The following FSHR variants were observed in gnomAD, a reference collection of about 807,000 sequenced individuals.
FSHR encodes follicle stimulating hormone receptor, also known as follicle-stimulating hormone receptor.
A neutral mutation model predicts 52.1 loss-of-function variants in FSHR; 46 were observed. That is an observed-to-expected ratio of 0.88 (90% CI 0.70 to 1.13). The LOEUF (loss-of-function observed/expected upper bound fraction) is 1.13, where lower values mean the gene tolerates loss of function less well. Among genes scored for constraint, FSHR ranks in the 50% most tolerant of loss-of-function variants. FSHR has a pLI of 0.00. For synonymous variants in FSHR, 399 were observed against 309.6 expected, an observed-to-expected ratio of 1.29 and a Z score of -3.03; for missense variants, 964 against 834.6, an observed-to-expected ratio of 1.16 and a Z score of -1.91.
chr2:49,110,949 T>C (rs1370860701), intron 1 of FSHR, among the ~76,000 whole-genome samples: 1 of 152,168 alleles, frequency 6.6e-6, no homozygotes, highest in Non-Finnish European at 1.5e-5. Context: ...CCTACCCTTA[T>C]TAACACACAG....
chr2:49,148,155 T>C (rs546059353), intron 1 of FSHR, among the ~76,000 whole-genome samples: 1 of 152,150 alleles, frequency 6.6e-6, no homozygotes, highest in East Asian at 1.9e-4. Context: ...ATATTTTTGT[T>C]AGGTATAGAG....
At chr2:49,079,229 A>G (rs948735657) in intron 1 of FSHR, among the ~76,000 whole-genome samples, 1 of 152,218 alleles carries the variant, frequency 6.6e-6, no homozygotes, top group African/African-American at 2.4e-5. Context: ...GAAAAAAAAT[A>G]AAAACCCTAA....
Position 49,141,736 on chromosome 2 carries a change from A to G in FSHR, c.152+12530T>C, listed in dbSNP as rs1158018060. Among the ~76,000 whole-genome samples the G allele has an allele frequency of 2.0e-5, 3 of 152,136 alleles. No homozygotes were observed. In the East Asian group the frequency reaches 5.8e-4, roughly 29 times the overall value. On this transcript the variant is annotated intron_variant, in intron 1 of 9. Coordinates refer to ENST00000406846, the MANE Select transcript of FSHR (RefSeq NM_000145.4). ...ATAATACATAAGTTCTGTATTAAAG[A>G]TGAGTCCAGCATTTTACATATGTAA... is the stretch of plus-strand genomic sequence containing the variant.
intron 1 of FSHR, among the ~76,000 whole-genome samples, chr2:49,089,652 G>T (rs1225397595): frequency 6.6e-6 from 1 of 152,272 alleles, no homozygotes; most frequent in African/African-American, 2.4e-5. Flanking sequence ...ATTTAACAAA[G>T]AAAGTATGTC....
chr2:48,982,221 T>G (rs983675007), intron 8 of FSHR, among the ~76,000 whole-genome samples: 5 of 152,066 alleles, frequency 3.3e-5, no homozygotes, highest in African/African-American at 1.2e-4. Flanking sequence ...TAGAGGACTT[T>G]GGAATGATGC....
At chr2:49,127,834 TC>T (rs1558456711) in intron 1 of FSHR, among the ~76,000 whole-genome samples, 848 of 10,906 alleles carry the variant, frequency 0.078, 88 homozygotes, top group South Asian at 0.19. Flanking sequence ...TTCTTCCTCT[TC>T]TTCTTCTTCT....
chr2:49,075,315 G>C (rs917129466), intron 1 of FSHR, among the ~76,000 whole-genome samples: 6 of 152,070 alleles, frequency 3.9e-5, no homozygotes, highest in African/African-American at 1.4e-4. Context: ...ATTATTATTT[G>C]TAAATTATAA....
chr2:49,120,517 C>G (rs961636186), intron 1 of FSHR, among the ~76,000 whole-genome samples: 1 of 152,114 alleles, frequency 6.6e-6, no homozygotes, highest in African/African-American at 2.4e-5. Flanking sequence ...TGTATTGATA[C>G]AGTGATATAA....
chr2:49,077,570 C>T (rs68019378), intron 1 of FSHR, among the ~76,000 whole-genome samples: 40,299 of 152,058 alleles, frequency 0.27, 5,876 homozygotes, highest in East Asian at 0.47. Context: ...CGCAAATTTA[C>T]GCAGCCAGCT....
At chr2:49,037,327 C>T (rs1316926944) in intron 2 of FSHR, among the ~76,000 whole-genome samples, 2 of 152,210 alleles carry the variant, frequency 1.3e-5, no homozygotes, top group Non-Finnish European at 1.5e-5. Context: ...TGCTTGATAG[C>T]AGCAAATGTT....
At chr2:49,141,290 A>G (rs990321679) in intron 1 of FSHR, among the ~76,000 whole-genome samples, 1 of 152,158 alleles carries the variant, frequency 6.6e-6, no homozygotes, top group Non-Finnish European at 1.5e-5. Context: ...AAGACTGGGT[A>G]ATTTATAAGG....
chr2:49,001,491 A>G (rs1666883755), intron 4 of FSHR, among the ~76,000 whole-genome samples: 1 of 152,130 alleles, frequency 6.6e-6, no homozygotes. Context: ...AACTTTTGAG[A>G]CCTTCTTGGA....
At chr2:49,001,909 G>GA (rs957388005) in intron 4 of FSHR, among the ~76,000 whole-genome samples, 22 of 152,156 alleles carry the variant, frequency 1.4e-4, no homozygotes, top group African/African-American at 4.6e-4. Flanking sequence ...TGTAGATTGG[G>GA]AAAAATGCAT....
chr2:48,966,918 G>T (rs1332032397), intron 9 of FSHR, among the ~76,000 whole-genome samples: 2 of 152,090 alleles, frequency 1.3e-5, no homozygotes, highest in Admixed American at 1.3e-4. Context: ...TGGTCTGGAG[G>T]GATCAGAGAA....
intron 1 of FSHR, among the ~76,000 whole-genome samples, chr2:49,078,038 C>CA (rs1218283962): frequency 6.6e-6 from 1 of 152,208 alleles, no homozygotes. Context: ...TCCACATTTT[C>CA]AGGTGTGTTT....
intron 1 of FSHR, among the ~76,000 whole-genome samples, chr2:49,144,245 C>A (rs550057606): frequency 9.2e-4 from 140 of 152,298 alleles, no homozygotes; most frequent in Non-Finnish European, 1.6e-3. Flanking sequence ...AATTCCCCAA[C>A]AAACAGCCTA....
chr2:49,061,687 ATATT>A (rs1251211554), intron 2 of FSHR, among the ~76,000 whole-genome samples: 3 of 141,466 alleles, frequency 2.1e-5, no homozygotes, highest in South Asian at 4.2e-4. Flanking sequence ...ATATAACTAT[ATATT>A]TATATTTATA....
At chr2:49,050,897 A>C (rs1214708384) in intron 2 of FSHR, among the ~76,000 whole-genome samples, 1 of 152,038 alleles carries the variant, frequency 6.6e-6, no homozygotes. Flanking sequence ...ACAATCCCTA[A>C]CACCACCCTG....
intron 1 of FSHR, among the ~76,000 whole-genome samples, chr2:49,136,124 A>G (rs956899325): frequency 3.3e-5 from 5 of 152,168 alleles, no homozygotes; most frequent in Non-Finnish European, 7.4e-5. Context: ...TTTAGATAGA[A>G]TGACCAAGAA....
Sources: gnomAD v4.1 joint callset for allele counts (sites outside exome capture counted in the v4.1 genomes callset) on GRCh38, gnomAD v4.1.1 for gene constraint, MANE v1.5 for transcripts, NCBI Gene and HGNC (gene_info 2026-07-23, HGNC 2026-07-21) for gene names.